Variants in MED16 observed in about 807,000 individuals in gnomAD.
MED16 encodes mediator complex subunit 16.
A neutral mutation model predicts 84.4 loss-of-function variants in MED16; 81 were observed. The observed-to-expected ratio is 0.96, with a 90% CI of 0.80 to 1.15. The LOEUF (loss-of-function observed/expected upper bound fraction) is 1.15. Ranked by LOEUF, MED16 falls within the 50% of genes most tolerant of loss-of-function variation. The pLI is 0.00. For missense variants in MED16, 1,585 were observed against 1,245.9 expected (o/e 1.27, Z -4.10); for synonymous variants, 897 against 552.2 (o/e 1.62, Z -8.76).
chr19:871,654 T>C, intron 12 of MED16: 1 of 1,587,634 alleles, frequency 6.3e-7, no homozygotes, highest in Non-Finnish European at 8.5e-7. Context: ...CATGGACCTG[T>C]GCTAGGAACT....
At chr19:889,384 A>G (rs1241686992) in intron 4 of MED16, among the ~76,000 whole-genome samples, 1 of 152,158 alleles carries the variant, frequency 6.6e-6, no homozygotes, top group Non-Finnish European at 1.5e-5. Flanking sequence ...CCCTCAGTTA[A>G]ATGAGGGGCC....
chr19:883,656 G>A (rs1204928136), intron 6 of MED16, among the ~76,000 whole-genome samples: 1 of 152,044 alleles, frequency 6.6e-6, no homozygotes, highest in African/African-American at 2.4e-5. Context: ...CAGGAGACGA[G>A]GAGGAGTGTC....
chr19:890,557 GTTTTCTAGTT>G, intron 2 of MED16: 2 of 371,456 alleles, frequency 5.4e-6, no homozygotes, highest in Admixed American at 8.5e-5. Context: ...ATTTTCTGTG[GTTTTCTAGTT>G]TTCTCTAATG....
At chr19:878,568 A>ACGT (rs2036326366) in intron 8 of MED16, among the ~76,000 whole-genome samples, 16 of 55,458 alleles carry the variant, frequency 2.9e-4, no homozygotes, top group Non-Finnish European at 3.8e-4. Context: ...CCCCAGCCCC[A>ACGT]GCCCCACATG....
chr19:877,874 T>A (rs2036294225), intron 8 of MED16, among the ~76,000 whole-genome samples: 2 of 145,498 alleles, frequency 1.4e-5, no homozygotes, highest in African/African-American at 5.1e-5. Flanking sequence ...GCAGCTCGCC[T>A]TCCCCTGGTT....
intron 10 of MED16, among the ~76,000 whole-genome samples, chr19:874,333 C>G (rs549042234): frequency 1.2e-4 from 19 of 152,148 alleles, no homozygotes; most frequent in South Asian, 1.2e-3. Flanking sequence ...AGGATGATCT[C>G]GATCTCCTGA....
rs894194672 is a variant in MED16 at position 868,831 on chromosome 19, T to G, written c.2399+32A>C. ...GCTGAGCCATCCCCAGCGGCACATC[T>G]CTGGGAGTCAGCGGTTCCGGGGGCC... On this transcript the variant is annotated intron_variant, in intron 14 of 15. Coordinates refer to ENST00000325464, the MANE Select transcript of MED16 (RefSeq NM_005481.3). 2.6e-6 allele frequency: 4 copies of G among 1,538,232 alleles called. No homozygotes were observed. The African/African-American group carries it at 5.5e-5, about 21-fold the overall frequency.
chr19:893,006 C>T (rs577273693), intron 1 of MED16, 80 bp downstream of exon 1: 1 of 152,970 alleles, frequency 6.5e-6, no homozygotes, highest in South Asian at 1.8e-4. Flanking sequence ...CCCGCCACGG[C>T]TGCGCCGCGT....
At chr19:876,176 G>A (rs957381697) in intron 9 of MED16, among the ~76,000 whole-genome samples, 3 of 152,044 alleles carry the variant, frequency 2.0e-5, no homozygotes, top group Non-Finnish European at 4.4e-5. Context: ...GGTTTCTGAT[G>A]GCACAGAGGA....
rs1367302406 is a variant in MED16 at position 875,225 on chromosome 19, G to A, written c.1771+19C>T. 7.1e-6 allele frequency: 11 copies of A among 1,543,652 alleles called. No individual in the cohort carries two copies. The highest frequency in any genetic ancestry group is 9.7e-6 in the Non-Finnish European group (11 of 1,132,974). ...AGATGAAAGAAACCTCGAGGCCCCGGGCGTGGAAAAGGACCCACCGACGTC... is the reference window on the plus strand; with the variant it reads ...AGATGAAAGAAACCTCGAGGCCCCGAGCGTGGAAAAGGACCCACCGACGTC... On this transcript the variant is annotated intron_variant, in intron 10 of 15. Coordinates refer to ENST00000325464, the MANE Select transcript of MED16 (RefSeq NM_005481.3).
chr19:882,396 A>G (rs113348883), intron 6 of MED16, among the ~76,000 whole-genome samples: 6,927 of 89,666 alleles, frequency 0.077, 195 homozygotes, highest in African/African-American at 0.15. Flanking sequence ...GCACGCCTGC[A>G]CACGCCTGTA....
intron 9 of MED16, among the ~76,000 whole-genome samples, chr19:876,629 C>G (rs922972453): frequency 3.3e-5 from 5 of 152,040 alleles, no homozygotes; most frequent in Admixed American, 6.5e-5. Flanking sequence ...ACACCCCACA[C>G]GCAGCCTCAC....
intron 8 of MED16, among the ~76,000 whole-genome samples, chr19:879,064 AGCC>A (rs2036344591): frequency 5.9e-4 from 1 of 1,686 alleles, no homozygotes; most frequent in Non-Finnish European, 1.3e-3. Context: ...AATGCCCACC[AGCC>A]CCAGCCCCAG....
intron 9 of MED16, among the ~76,000 whole-genome samples, chr19:876,333 G>A (rs930360100): frequency 3.9e-5 from 6 of 152,024 alleles, no homozygotes; most frequent in East Asian, 1.9e-4. Flanking sequence ...CTCCGTATCC[G>A]CTCCCTCCTC....
rs1417674901 is a variant in MED16 at position 872,092 on chromosome 19, G to A, written c.1932C>T (p.Ser644=). Residue 644 remains serine (S), a synonymous_variant, in exon 12 of 16, where the codon AGC becomes AGT. Coordinates refer to ENST00000325464, the MANE Select transcript of MED16 (RefSeq NM_005481.3). The part of the protein sequence containing the change: ...NQGSLLRPGH[S]FLRDGTSLGM... ...CCAGCGAGGTGCCGTCCCGCAGAAA[G>A]CTGTGGCCCGGCCTCAGCAGGGAAC... 6 of 1,608,118 alleles carry A rather than the reference G, an allele frequency of 3.7e-6. No individual in the cohort carries two copies. The African/African-American group carries it at 4.0e-5, about 11-fold the overall frequency.
rs567501144 is a variant in MED16 at position 890,213 on chromosome 19, C to G, written c.201G>C (p.Thr67=). 3.9e-6 allele frequency: 6 copies of G among 1,554,028 alleles called. No homozygotes were observed. The highest frequency in any genetic ancestry group is 2.0e-5 in the Admixed American group (1 of 51,180). Residue 67 remains threonine (T), a synonymous_variant, in exon 3 of 16, where the codon ACG becomes ACC. Transcript: ENST00000325464. ...DLTRMIHILD[T]EHPWDLHSIP... is the part of the protein sequence containing the mutation. ...TCGAGTGCAGGTCCCAGGGGTGCTCCGTGTCCAGGATGTGGATCATGCGGG... is the reference window on the plus strand; with the variant it reads ...TCGAGTGCAGGTCCCAGGGGTGCTCGGTGTCCAGGATGTGGATCATGCGGG...
rs550526504 is a variant in MED16, at chr19:868,003, G to C, written c.*98C>G. The C allele has an allele frequency of 2.8e-6, 4 of 1,444,142 alleles. No individual in the cohort carries two copies. In the African/African-American group the frequency reaches 5.7e-5, roughly 21 times the overall value. 89.5% of individuals were successfully genotyped at this position (1,444,142 alleles called of 1,614,324 possible). On this transcript the variant is annotated 3_prime_UTR_variant, in exon 16 of 16. Coordinates refer to ENST00000325464, the MANE Select transcript of MED16 (RefSeq NM_005481.3). ...TTTATTGGACCTGTCCTTCCCAGCC[G>C]CTGCTTGTCCAGGTTCAGCGCTCTC... is the stretch of plus-strand genomic sequence containing the variant.
chr19:892,333 G>A (rs1056771707), intron 1 of MED16: 13 of 154,800 alleles, frequency 8.4e-5, no homozygotes, highest in Non-Finnish European at 1.9e-4. Flanking sequence ...CACCCCTTGA[G>A]CCCACGGCCT....
intron 8 of MED16, among the ~76,000 whole-genome samples, chr19:879,592 C>G (rs551886059): frequency 1.1e-3 from 152 of 135,008 alleles, no homozygotes; most frequent in Non-Finnish European, 1.9e-3. Context: ...CAGCAGCTCA[C>G]CTTCCCGTGG....
Sources: allele counts gnomAD v4.1 joint callset (sites outside exome capture counted in the v4.1 genomes callset), GRCh38; gene constraint gnomAD v4.1.1; transcripts MANE v1.5; gene names NCBI Gene and HGNC (gene_info 2026-07-23, HGNC 2026-07-21).